The following CDK6 variants were observed in gnomAD, a reference collection of about 807,000 sequenced individuals.
The protein encoded by CDK6 is cyclin dependent kinase 6.
CDK6 carries 6 observed loss-of-function variants against 37.1 expected under a neutral mutation model. The observed-to-expected ratio is 0.16, with a 90% confidence interval of 0.09 to 0.32. The LOEUF (loss-of-function observed/expected upper bound fraction) is 0.32. CDK6 is among the 10% of genes least tolerant of loss of function. The probability of loss-of-function intolerance (pLI) is 1.00; values close to 1 mark genes in which losing one functional copy is unlikely to be tolerated. For missense variants in CDK6, 224 were observed against 418.9 expected, an observed-to-expected ratio of 0.53 and a Z score of 4.06; for synonymous variants, 160 against 161.3, an observed-to-expected ratio of 0.99 and a Z score of 0.06.
At chr7:92,690,516 C>A (rs1259882647) in intron 4 of CDK6, among the ~76,000 whole-genome samples, 1 of 152,112 alleles carries the variant, frequency 6.6e-6, no homozygotes, top group Non-Finnish European at 1.5e-5. Flanking sequence ...GTTTTGGTTA[C>A]CGTAGCCCTG....
chr7:92,716,352 C>G (rs1004797566), intron 4 of CDK6, among the ~76,000 whole-genome samples: 1 of 152,166 alleles, frequency 6.6e-6, no homozygotes, highest in Admixed American at 6.5e-5. Context: ...TAGGTTGGAG[C>G]TGAGCTTCAA....
chr7:92,730,037 C>T (rs188251078), intron 3 of CDK6, among the ~76,000 whole-genome samples: 1 of 152,344 alleles, frequency 6.6e-6, no homozygotes, highest in African/African-American at 2.4e-5. Flanking sequence ...AGCCACTGCA[C>T]CTGGCCTGGG....
chr7:92,805,537 T>C (rs568506551), intron 2 of CDK6, among the ~76,000 whole-genome samples: 6 of 152,240 alleles, frequency 3.9e-5, no homozygotes, highest in African/African-American at 1.4e-4. Flanking sequence ...CTCAGTGTAA[T>C]CATGATGTGC....
At chr7:92,651,038 C>T (rs954941821) in intron 5 of CDK6, among the ~76,000 whole-genome samples, 4 of 152,106 alleles carry the variant, frequency 2.6e-5, no homozygotes, top group East Asian at 3.9e-4. Context: ...TACAGGCATG[C>T]GCCACCACAC....
At chr7:92,719,048 G>A (rs1798303633) in intron 4 of CDK6, among the ~76,000 whole-genome samples, 1 of 152,208 alleles carries the variant, frequency 6.6e-6, no homozygotes, top group African/African-American at 2.4e-5. Flanking sequence ...GGTTCCGTTA[G>A]TGTTACTAAA....
At chr7:92,615,805 C>T (rs555412981) in intron 7 of CDK6, among the ~76,000 whole-genome samples, 9 of 152,160 alleles carry the variant, frequency 5.9e-5, no homozygotes, top group East Asian at 1.9e-4. Context: ...CTGGTGCCTG[C>T]GCTTAAGAAG....
At chr7:92,666,901 A>G (rs1796969391) in intron 5 of CDK6, among the ~76,000 whole-genome samples, 1 of 152,198 alleles carries the variant, frequency 6.6e-6, no homozygotes, top group Non-Finnish European at 1.5e-5. Context: ...AAAAGAAGTT[A>G]ACTGTACAAC....
intron 5 of CDK6, among the ~76,000 whole-genome samples, chr7:92,666,062 G>A (rs894859811): frequency 1.2e-4 from 18 of 152,184 alleles, no homozygotes; most frequent in Non-Finnish European, 8.8e-5. Flanking sequence ...AACTCCCTTT[G>A]CTTCTTTTCT....
At chr7:92,709,234 G>A (rs1798032533) in intron 4 of CDK6, among the ~76,000 whole-genome samples, 1 of 152,038 alleles carries the variant, frequency 6.6e-6, no homozygotes, top group Admixed American at 6.6e-5. Flanking sequence ...GTAGTAGACT[G>A]CTTTTTTTTA....
intron 3 of CDK6, among the ~76,000 whole-genome samples, chr7:92,740,983 T>C (rs1798911110): frequency 6.6e-6 from 1 of 152,174 alleles, no homozygotes; most frequent in Non-Finnish European, 1.5e-5. Context: ...ATTCAACTTC[T>C]AGGAATTCAG....
intron 5 of CDK6, among the ~76,000 whole-genome samples, chr7:92,665,437 A>T (rs1416891203): frequency 6.6e-6 from 1 of 152,178 alleles, no homozygotes; most frequent in Non-Finnish European, 1.5e-5. Flanking sequence ...GGAGAAAGAT[A>T]AAAAAATGTA....
At chr7:92,638,120 T>C (rs890398763) in intron 5 of CDK6, among the ~76,000 whole-genome samples, 1 of 152,230 alleles carries the variant, frequency 6.6e-6, no homozygotes, top group Non-Finnish European at 1.5e-5. Context: ...TGGTTTTGCA[T>C]GCTAAAAAAT....
intron 5 of CDK6, among the ~76,000 whole-genome samples, chr7:92,657,132 G>A (rs909732746): frequency 3.3e-5 from 5 of 151,966 alleles, no homozygotes; most frequent in Non-Finnish European, 5.9e-5. Context: ...GGCTTTCAAT[G>A]TATAAAATAG....
Position 92,612,615 on chromosome 7 carries a change from C to G in CDK6, c.*2525G>C. Reference sequence around the variant, plus strand: ...GTGTCATCAGAAGATAATCTGCCAACGATTGAATGCCAGAATGTTTGTGCT... The same window carrying G: ...GTGTCATCAGAAGATAATCTGCCAAGGATTGAATGCCAGAATGTTTGTGCT... On this transcript the variant is annotated 3_prime_UTR_variant, in exon 8 of 8. Coordinates refer to ENST00000424848, the MANE Select transcript of CDK6 (RefSeq NM_001145306.2). 4.3e-6 allele frequency: 1 copy of G among 233,096 alleles called. No individual in the cohort carries two copies. The highest frequency in any genetic ancestry group is 1.8e-4 in the South Asian group (1 of 5,528). 14.4% of individuals were successfully genotyped at this position (233,096 alleles called of 1,614,324 possible).
At chr7:92,786,801 C>T (rs946873574) in intron 2 of CDK6, among the ~76,000 whole-genome samples, 6 of 151,422 alleles carry the variant, frequency 4.0e-5, no homozygotes, top group African/African-American at 1.2e-4. Context: ...AATGGAAAGA[C>T]ATTCACAATA....
At chr7:92,740,069 T>G (rs1562952157) in intron 3 of CDK6, among the ~76,000 whole-genome samples, 1 of 152,146 alleles carries the variant, frequency 6.6e-6, no homozygotes, top group Non-Finnish European at 1.5e-5. Flanking sequence ...TAAGTGATAT[T>G]CCTAAAAGGT....
chr7:92,646,037 G>C (rs1352778064), intron 5 of CDK6, among the ~76,000 whole-genome samples: 1 of 152,276 alleles, frequency 6.6e-6, no homozygotes, highest in Middle Eastern at 3.4e-3. Flanking sequence ...TTGCTTTTCT[G>C]AGAATGAATG....
intron 5 of CDK6, among the ~76,000 whole-genome samples, chr7:92,669,626 A>C (rs1274957966): frequency 1.3e-5 from 2 of 152,230 alleles, no homozygotes; most frequent in Non-Finnish European, 2.9e-5. Context: ...ATTGACAGTA[A>C]ATTATTCTTG....
At position 92,696,468 on chromosome 7, in the gene CDK6, C is replaced by T. The variant is rs375121592; in HGVS notation, c.538-24933G>A. On this transcript the variant is annotated intron_variant, in intron 4 of 7. Coordinates refer to ENST00000424848, the MANE Select transcript of CDK6 (RefSeq NM_001145306.2). ...GCTAAGAAGATCCTACAAAATCTTA[C>T]CATATATGTGTATTTTTTTAATAGT... Among the ~76,000 whole-genome samples the T allele has an allele frequency of 2.6e-5, 4 of 152,008 alleles. No individual in the cohort carries two copies. The East Asian group carries it at 5.8e-4, about 22-fold the overall frequency.
Sources: allele counts gnomAD v4.1 joint callset (sites outside exome capture counted in the v4.1 genomes callset), GRCh38; gene constraint gnomAD v4.1.1; transcripts MANE v1.5; gene names NCBI Gene and HGNC (gene_info 2026-07-23, HGNC 2026-07-21).